Variants in AGBL1 observed in about 807,000 individuals in gnomAD.
AGBL1 encodes AGBL carboxypeptidase 1, also known as cytosolic carboxypeptidase 4.
AGBL1 carries 130 observed loss-of-function variants against 118.9 expected under a neutral mutation model. The ratio of observed to expected loss-of-function variants is 1.09; its 90% CI spans 0.95 to 1.26. The LOEUF is 1.26. AGBL1 is among the 50% of genes most tolerant of loss of function. The pLI, the probability that AGBL1 is intolerant of heterozygous loss-of-function variation, is 0.00. For synonymous variants in AGBL1, 555 were observed against 478.9 expected (o/e 1.16, Z -2.08); for missense variants, 1,584 against 1,298.1 (o/e 1.22, Z -3.38).
At chr15:86,479,700 A>G (rs2082621688) in intron 18 of AGBL1, among the ~76,000 whole-genome samples, 1 of 152,346 alleles carries the variant, frequency 6.6e-6, no homozygotes, top group African/African-American at 2.4e-5. Flanking sequence ...ACCTAGAACT[A>G]GAAATACCAT....
intron 22 of AGBL1, among the ~76,000 whole-genome samples, chr15:86,717,355 A>T (rs1596400466): frequency 6.6e-6 from 1 of 152,202 alleles, no homozygotes; most frequent in African/African-American, 2.4e-5. Context: ...GATCTCTTCT[A>T]ATTGACCTAC....
chr15:86,242,006 T>A (rs2078648789), intron 6 of AGBL1, among the ~76,000 whole-genome samples: 1 of 152,184 alleles, frequency 6.6e-6, no homozygotes, highest in Non-Finnish European at 1.5e-5. Flanking sequence ...CATGCTGTTC[T>A]TATGATAGTT....
intron 21 of AGBL1, among the ~76,000 whole-genome samples, chr15:86,629,552 A>G (rs1464114017): frequency 1.3e-5 from 2 of 152,222 alleles, no homozygotes; most frequent in Non-Finnish European, 2.9e-5. Context: ...CACCCTTTGA[A>G]TCATACATAG....
At chr15:86,883,534 T>C (rs1268618793) in intron 22 of AGBL1, among the ~76,000 whole-genome samples, 1 of 152,184 alleles carries the variant, frequency 6.6e-6, no homozygotes, top group Non-Finnish European at 1.5e-5. Context: ...CTGACAGAGT[T>C]ACTGATTCCA....
intron 22 of AGBL1, among the ~76,000 whole-genome samples, chr15:86,702,613 T>G (rs1019850292): frequency 2.0e-5 from 3 of 152,128 alleles, no homozygotes; most frequent in Non-Finnish European, 2.9e-5. Context: ...CAAATCCACT[T>G]CCTTCTTTCC....
intron 22 of AGBL1, among the ~76,000 whole-genome samples, chr15:86,698,915 A>G (rs2086309266): frequency 6.6e-6 from 1 of 152,018 alleles, no homozygotes; most frequent in African/African-American, 2.4e-5. Context: ...CATTTGATAT[A>G]TATGTAATTT....
At chr15:86,705,971 A>G (rs1447313981) in intron 22 of AGBL1, among the ~76,000 whole-genome samples, 1 of 45,332 alleles carries the variant, frequency 2.2e-5, no homozygotes, top group Non-Finnish European at 3.5e-5. Context: ...ATCTTTTGGA[A>G]AAAAAAAACT....
At chr15:86,665,676 C>A (rs1351824708) in intron 21 of AGBL1, among the ~76,000 whole-genome samples, 1 of 152,048 alleles carries the variant, frequency 6.6e-6, no homozygotes, top group African/African-American at 2.4e-5. Context: ...GAAAAACCTT[C>A]TCCTGGTTTG....
chr15:86,978,272 G>T (rs573589902), intron 23 of AGBL1, among the ~76,000 whole-genome samples: 1 of 152,262 alleles, frequency 6.6e-6, no homozygotes, highest in East Asian at 1.9e-4. Flanking sequence ...AATGAAAGTA[G>T]ATCTTCTTCC....
intron 17 of AGBL1, among the ~76,000 whole-genome samples, chr15:86,336,553 G>T (rs1384856586): frequency 6.6e-6 from 1 of 152,212 alleles, no homozygotes; most frequent in Non-Finnish European, 1.5e-5. Flanking sequence ...GTTGGCATTT[G>T]ATTGCCTTTA....
intron 16 of AGBL1, among the ~76,000 whole-genome samples, chr15:86,292,575 A>T (rs1200181609): frequency 1.3e-5 from 2 of 152,216 alleles, no homozygotes; most frequent in East Asian, 3.8e-4. Flanking sequence ...AAGGAGAAAG[A>T]ATGGGACAGA....
chr15:86,476,931 T>A (rs1486748856), intron 18 of AGBL1, among the ~76,000 whole-genome samples: 1 of 152,112 alleles, frequency 6.6e-6, no homozygotes, highest in African/African-American at 2.4e-5. Flanking sequence ...AGAAACTCAC[T>A]CAAAACTGCT....
intron 17 of AGBL1, among the ~76,000 whole-genome samples, chr15:86,363,174 G>A (rs559583915): frequency 2.0e-5 from 3 of 152,156 alleles, no homozygotes; most frequent in Admixed American, 6.5e-5. Flanking sequence ...TTTCAATCTC[G>A]TATCTGGATC....
intron 15 of AGBL1, among the ~76,000 whole-genome samples, chr15:86,279,105 G>A (rs185132898): frequency 5.3e-5 from 8 of 152,322 alleles, no homozygotes; most frequent in Admixed American, 4.6e-4. Context: ...TCCACATGAT[G>A]GGTTGCTGCA....
In AGBL1 at chr15:86,817,575, GAC is replaced by G. The variant is rs61414348; in HGVS notation, c.3159-89494_3159-89493del. On this transcript the variant is annotated intron_variant, in intron 22 of 22. Transcript: ENST00000614907. Reference sequence around the variant, plus strand: ...CACAGAGGAGAGAGAGAAAGAGACAGACACACACACACACACACAGAGGAGAG... The same window carrying G: ...CACAGAGGAGAGAGAGAAAGAGACAGACACACACACACACACAGAGGAGAG... Among the ~76,000 whole-genome samples the G allele has an allele frequency of 6.5e-3, 846 of 130,754 alleles. 19 individuals carry two copies. The highest frequency in any genetic ancestry group is 0.015 in the Middle Eastern group (4 of 264). 85.8% of individuals were successfully genotyped at this position (130,754 alleles called of 152,430 possible).
At chr15:86,546,216 A>C in intron 20 of AGBL1, 83 bp downstream of exon 20, 1 of 1,162,766 alleles carries the variant, frequency 8.6e-7, no homozygotes, top group Non-Finnish European at 1.1e-6. Context: ...CCACTCATTT[A>C]TTTAGTTTTT....
chr15:86,700,137 T>C (rs1374040572), intron 22 of AGBL1, among the ~76,000 whole-genome samples: 2 of 152,040 alleles, frequency 1.3e-5, no homozygotes, highest in Non-Finnish European at 1.5e-5. Context: ...CATTATTTTA[T>C]TTAGGCATAT....
At chr15:86,116,047 A>G (rs1430870327) in intron 1 of AGBL1, among the ~76,000 whole-genome samples, 1 of 152,232 alleles carries the variant, frequency 6.6e-6, no homozygotes. Context: ...ATTGAGAACA[A>G]TAATAAAATT....
chr15:86,897,697 GTT>G (rs1428298698), intron 22 of AGBL1, among the ~76,000 whole-genome samples: 1 of 146,790 alleles, frequency 6.8e-6, no homozygotes, highest in Non-Finnish European at 1.5e-5. Context: ...TGTGATTATG[GTT>G]TCCATAAATT....
Sources: gnomAD v4.1 joint callset for allele counts (sites outside exome capture counted in the v4.1 genomes callset) on GRCh38, gnomAD v4.1.1 for gene constraint, MANE v1.5 for transcripts, NCBI Gene and HGNC (gene_info 2026-07-23, HGNC 2026-07-21) for gene names.